TFEC: variants seen among roughly 807,000 people sequenced by gnomAD.
The protein encoded by TFEC is class E basic helix-loop-helix protein 34.
Under a neutral mutation model 41.6 loss-of-function variants are expected in TFEC, and 31 were observed. The observed-to-expected ratio is 0.74, with a 90% CI of 0.56 to 1.01. The LOEUF (loss-of-function observed/expected upper bound fraction) is 1.01. Among genes scored for constraint, TFEC ranks in the 50% least tolerant of loss-of-function variants. The pLI, the probability that TFEC is intolerant of heterozygous loss-of-function variation, is 0.00. For synonymous variants in TFEC, 143 were observed against 140.6 expected (o/e 1.02, Z -0.12); for missense variants, 402 against 404.1 (o/e 0.99, Z 0.04).
chr7:115,958,503 G>A (rs1489656804), intron 3 of TFEC, among the ~76,000 whole-genome samples: 2 of 151,768 alleles, frequency 1.3e-5, no homozygotes, highest in African/African-American at 2.4e-5. Context: ...CCTCTGAAGA[G>A]CCTGAATTCA....
intron 3 of TFEC, among the ~76,000 whole-genome samples, chr7:116,059,911 G>A (rs1189435754): frequency 6.6e-6 from 1 of 151,864 alleles, no homozygotes; most frequent in African/African-American, 2.4e-5. Flanking sequence ...AATCAGAAAT[G>A]ACAAAAATGT....
chr7:116,019,477 GC>G (rs1211573147), intron 1 of TFEC, among the ~76,000 whole-genome samples: 1 of 152,070 alleles, frequency 6.6e-6, no homozygotes, highest in African/African-American at 2.4e-5. Context: ...CAAAATGGCA[GC>G]CATCTTCTTA....
At position 116,045,690 on chromosome 7, in the gene TFEC, C is replaced by A. The variant is rs1796147081; in HGVS notation, c.199-61177G>T. 2.0e-5 allele frequency among the ~76,000 whole-genome samples: 3 copies of A among 152,320 alleles called. No individual in the cohort carries two copies. The South Asian group carries it at 6.2e-4, about 32-fold the overall frequency. ...GGGGTTTGAGCCCCCACACAGAGTC[C>A]CTCCTGGGGCACTGCCTAGTGGAGC... On this transcript the variant is annotated intron_variant, in intron 3 of 8. Coordinates refer to the TFEC transcript ENST00000484212.
intron 1 of TFEC, among the ~76,000 whole-genome samples, chr7:116,026,856 C>T (rs957662798): frequency 2.0e-5 from 3 of 152,140 alleles, no homozygotes; most frequent in African/African-American, 7.2e-5. Flanking sequence ...TTGCCTTGCA[C>T]ATGTGAAGGA....
chr7:116,041,814 G>A (rs904321264), intron 3 of TFEC, among the ~76,000 whole-genome samples: 35 of 152,048 alleles, frequency 2.3e-4, no homozygotes, highest in African/African-American at 7.0e-4. Flanking sequence ...ATACCCACAC[G>A]CACAGACGCA....
At chr7:115,976,076 G>A (rs1793364589) in intron 2 of TFEC, among the ~76,000 whole-genome samples, 1 of 152,130 alleles carries the variant, frequency 6.6e-6, no homozygotes, top group Non-Finnish European at 1.5e-5. Context: ...TACGTGAAAT[G>A]TGGTTAGTGT....
At chr7:116,086,994 T>C (rs1402905857) in intron 3 of TFEC, among the ~76,000 whole-genome samples, 1 of 151,890 alleles carries the variant, frequency 6.6e-6, no homozygotes, top group Non-Finnish European at 1.5e-5. Flanking sequence ...AATAATGGAG[T>C]TATTTTCCAC....
At chr7:116,009,625 C>T (rs1329260445) in intron 1 of TFEC, among the ~76,000 whole-genome samples, 1 of 151,646 alleles carries the variant, frequency 6.6e-6, no homozygotes, top group Admixed American at 6.6e-5. Context: ...TGTGGCAAAC[C>T]CTTGAAGGTA....
chr7:115,976,577 T>G (rs1418866402), intron 2 of TFEC, among the ~76,000 whole-genome samples: 3 of 152,196 alleles, frequency 2.0e-5, no homozygotes, highest in Non-Finnish European at 4.4e-5. Flanking sequence ...AGAAGCTAGG[T>G]TAATAGATGT....
intron 3 of TFEC, among the ~76,000 whole-genome samples, chr7:116,063,312 G>T (rs1259689961): frequency 1.3e-5 from 2 of 152,076 alleles, no homozygotes; most frequent in Non-Finnish European, 2.9e-5. Flanking sequence ...AGGTTATGAA[G>T]GGGCAGCAGG....
At chr7:116,079,223 C>A (rs1034790244) in intron 3 of TFEC, among the ~76,000 whole-genome samples, 1 of 151,918 alleles carries the variant, frequency 6.6e-6, no homozygotes, top group Non-Finnish European at 1.5e-5. Context: ...AGCCAACACA[C>A]TACTGAATGG....
chr7:116,077,909 T>C (rs1213360225), intron 3 of TFEC, among the ~76,000 whole-genome samples: 1 of 152,032 alleles, frequency 6.6e-6, no homozygotes, highest in East Asian at 1.9e-4. Flanking sequence ...ACTTAAACTA[T>C]ACCCTACAAC....
rs527793938 is a variant in TFEC, at chr7:116,041,434, A to G, written c.199-56921T>C. Among the ~76,000 whole-genome samples the G allele has an allele frequency of 2.6e-5, 4 of 152,330 alleles. No homozygotes were observed. In the East Asian group the frequency reaches 5.8e-4, roughly 22 times the overall value. Reference sequence around the variant, plus strand: ...TTATGTGCCAGGAGATTTCACTTACATATGTTATGGAACGCAGTGATTTAA... The same window carrying G: ...TTATGTGCCAGGAGATTTCACTTACGTATGTTATGGAACGCAGTGATTTAA... On this transcript the variant is annotated intron_variant, in intron 3 of 8. Coordinates refer to the TFEC transcript ENST00000484212.
intron 2 of TFEC, chr7:116,111,024 G>A: frequency 3.7e-6 from 2 of 533,694 alleles, no homozygotes; most frequent in Middle Eastern, 4.6e-4. Context: ...TTTAGTAAAT[G>A]ATAAGGGAGG....
At chr7:116,102,765 T>C (rs1047810466) in intron 3 of TFEC, among the ~76,000 whole-genome samples, 1 of 152,274 alleles carries the variant, frequency 6.6e-6, no homozygotes, top group Admixed American at 6.5e-5. Context: ...ATTCATTTAG[T>C]TTGGGTCTAA....
At chr7:116,137,672 G>A (rs187286772) in intron 1 of TFEC, among the ~76,000 whole-genome samples, 107 of 152,162 alleles carry the variant, frequency 7.0e-4, no homozygotes, top group African/African-American at 2.6e-3. Context: ...CAAACATTAA[G>A]AAATTTACAC....
chr7:116,148,452 G>A (rs919543677), intron 1 of TFEC, among the ~76,000 whole-genome samples: 1 of 152,158 alleles, frequency 6.6e-6, no homozygotes, highest in African/African-American at 2.4e-5. Context: ...ACAGAGCAAT[G>A]GAGTGGTGAG....
chr7:116,101,849 T>C (rs1403566048), intron 3 of TFEC, among the ~76,000 whole-genome samples: 1 of 152,186 alleles, frequency 6.6e-6, no homozygotes, highest in Non-Finnish European at 1.5e-5. Context: ...AAAAATAAGT[T>C]TGCCATTCAG....
At chr7:115,990,043 C>T (rs949854677) in intron 1 of TFEC, among the ~76,000 whole-genome samples, 7 of 152,194 alleles carry the variant, frequency 4.6e-5, no homozygotes, top group Admixed American at 3.9e-4. Context: ...GAGGAAGGAT[C>T]AGGCAGCAAA....
Sources: allele counts gnomAD v4.1 joint callset (sites outside exome capture counted in the v4.1 genomes callset), GRCh38; gene constraint gnomAD v4.1.1; transcripts MANE v1.5; gene names NCBI Gene and HGNC (gene_info 2026-07-23, HGNC 2026-07-21).